Variants in SEC63 observed in about 807,000 individuals in gnomAD.
The protein encoded by SEC63 is translocation protein SEC63 homolog.
A neutral mutation model predicts 116.2 loss-of-function variants in SEC63; 56 were observed. That is an observed-to-expected ratio of 0.48 (90% confidence interval 0.39 to 0.60). The LOEUF (loss-of-function observed/expected upper bound fraction) is 0.60, where lower values mean the gene tolerates loss of function less well. Among genes scored for constraint, SEC63 ranks in the 20% least tolerant of loss-of-function variants. SEC63 has a pLI of 0.00. For synonymous variants in SEC63, 273 were observed against 294.6 expected (o/e 0.93, Z 0.75); for missense variants, 668 against 900.0 (o/e 0.74, Z 3.30).
At chr6:107,918,705 C>CA (rs1195080601) in intron 4 of SEC63, among the ~76,000 whole-genome samples, 1 of 146,782 alleles carries the variant, frequency 6.8e-6, no homozygotes, top group Non-Finnish European at 1.5e-5. Context: ...AAAAAAAAAA[C>CA]AAAAAACAAA....
In SEC63 at chr6:107,913,229, T is replaced by C. The variant is rs185872505; in HGVS notation, c.514+137A>G. On this transcript the variant is annotated intron_variant, in intron 5 of 20. Coordinates refer to ENST00000369002, the MANE Select transcript of SEC63 (RefSeq NM_007214.5). ...GAAAGAAAAATAAAGCAAAAATTAA[T>C]GAGAGCTCAATTTATCTATGTTAAA... 3.0e-3 allele frequency: 2,049 copies of C among 675,314 alleles called. 21 individuals are homozygous for C. The African/African-American group carries it at 0.032, about 11-fold the overall frequency. The allele number at this position is 675,314 out of a possible 1,614,324, so 41.8% of individuals were successfully genotyped here.
At chr6:107,899,942 C>A (rs1388505566) in intron 13 of SEC63, among the ~76,000 whole-genome samples, 1 of 152,174 alleles carries the variant, frequency 6.6e-6, no homozygotes, top group Admixed American at 6.5e-5. Context: ...AACACATATG[C>A]TACACTCCAG....
chr6:107,912,650 G>A (rs931686413), intron 6 of SEC63, 66 bp downstream of exon 6: 5 of 905,388 alleles, frequency 5.5e-6, no homozygotes, highest in African/African-American at 1.7e-5. Context: ...GTATTACCAA[G>A]ACAGATTGTA....
chr6:107,888,988 T>G (rs1175847233), intron 16 of SEC63, among the ~76,000 whole-genome samples: 1 of 152,248 alleles, frequency 6.6e-6, no homozygotes, highest in East Asian at 1.9e-4. Context: ...TGGATTCAGT[T>G]TGCCAGTATT....
intron 4 of SEC63, among the ~76,000 whole-genome samples, chr6:107,913,767 AT>A (rs1383991546): frequency 2.6e-5 from 4 of 152,120 alleles, no homozygotes; most frequent in Non-Finnish European, 4.4e-5. Context: ...ATTGTAGGCG[AT>A]TTTTTTCCCC....
chr6:107,947,761 GA>G (rs1044052191), intron 1 of SEC63, among the ~76,000 whole-genome samples: 71 of 152,136 alleles, frequency 4.7e-4, no homozygotes, highest in African/African-American at 1.6e-3. Context: ...AGCTTTCTTA[GA>G]ATTCTCTTTC....
chr6:107,870,095 C>T lies in SEC63; in HGVS notation c.*1609G>A, dbSNP rs1583715609. ...TAGGTAATCAGTAGCTGCCTCAAGA[C>T]ACTGGTGCTTCACAGCAGAACCTGA... On this transcript the variant is annotated 3_prime_UTR_variant, in exon 21 of 21. Transcript: ENST00000369002. 6.6e-6 allele frequency: 1 copy of T among 152,326 alleles called. No homozygotes were observed. Among genetic ancestry groups the T allele is most frequent in the Non-Finnish European group, 1.5e-5 (1 of 68,008 alleles). The allele number at this position is 152,326 out of a possible 1,614,324, so 9.4% of individuals were successfully genotyped here.
chr6:107,908,879 G>T, intron 8 of SEC63, 48 bp downstream of exon 8: 1 of 1,055,098 alleles, frequency 9.5e-7, no homozygotes, highest in Non-Finnish European at 1.5e-6. Context: ...CCCCACATAA[G>T]TCACAAAACA....
chr6:107,939,784 TA>T (rs1349188425), intron 1 of SEC63, among the ~76,000 whole-genome samples: 1 of 151,858 alleles, frequency 6.6e-6, no homozygotes, highest in African/African-American at 2.4e-5. Context: ...AAAAAATTTT[TA>T]AAAACAATCT....
intron 1 of SEC63, among the ~76,000 whole-genome samples, chr6:107,938,660 T>G (rs1195899790): frequency 6.6e-6 from 1 of 151,448 alleles, no homozygotes; most frequent in Non-Finnish European, 1.5e-5. Flanking sequence ...ACTCCCAGGT[T>G]CAAGCAATGC....
intron 1 of SEC63, chr6:107,954,464 T>TAAAA (rs796251218): frequency 1.6e-5 from 1 of 61,708 alleles, no homozygotes; most frequent in Non-Finnish European, 2.8e-5. Context: ...AATGATCAAT[T>TAAAA]AAAAAAAAAA....
intron 4 of SEC63, among the ~76,000 whole-genome samples, chr6:107,917,841 A>C (rs762453016): frequency 9.2e-5 from 14 of 152,356 alleles, no homozygotes; most frequent in Admixed American, 2.0e-4. Context: ...CTACAACAGA[A>C]GTGCAAGGTG....
intron 17 of SEC63, 99 bp downstream of exon 17, chr6:107,882,889 A>G (rs1263031187): frequency 7.2e-5 from 56 of 778,940 alleles, no homozygotes; most frequent in Non-Finnish European, 1.1e-4. Flanking sequence ...AAAGAAAGCA[A>G]GCGAGCAAGC....
At chr6:107,916,327 G>A (rs949928411) in intron 4 of SEC63, among the ~76,000 whole-genome samples, 1 of 152,150 alleles carries the variant, frequency 6.6e-6, no homozygotes, top group Non-Finnish European at 1.5e-5. Context: ...AGAAAATGTA[G>A]TACACACTTC....
intron 1 of SEC63, among the ~76,000 whole-genome samples, chr6:107,942,874 C>A (rs984584982): frequency 1.1e-4 from 16 of 152,280 alleles, no homozygotes; most frequent in Middle Eastern, 3.4e-3. Context: ...AAGTTTATGT[C>A]ACCTGTTTAC....
intron 18 of SEC63, among the ~76,000 whole-genome samples, chr6:107,878,219 G>T (rs1158801583): frequency 6.6e-6 from 1 of 152,184 alleles, no homozygotes; most frequent in East Asian, 1.9e-4. Flanking sequence ...CAGAAACCTG[G>T]GTTATTTCAC....
chr6:107,922,908 T>C (rs1787591097), intron 3 of SEC63, among the ~76,000 whole-genome samples: 2 of 151,298 alleles, frequency 1.3e-5, no homozygotes, highest in African/African-American at 2.4e-5. Context: ...GGGGAGAAAA[T>C]AGAAAGAGCA....
intron 7 of SEC63, among the ~76,000 whole-genome samples, chr6:107,910,733 A>G (rs1787264119): frequency 6.6e-6 from 1 of 152,118 alleles, no homozygotes; most frequent in Admixed American, 6.5e-5. Flanking sequence ...ACATATGTAT[A>G]TATGTATCTG....
At chr6:107,930,228 G>T (rs1214372130) in intron 1 of SEC63, 1 of 119,070 alleles carries the variant, frequency 8.4e-6, no homozygotes, top group African/African-American at 3.1e-5. Context: ...TGTTGCCAAG[G>T]CTGGTCTCAA....
Sources: allele counts gnomAD v4.1 joint callset (sites outside exome capture counted in the v4.1 genomes callset), GRCh38; gene constraint gnomAD v4.1.1; transcripts MANE v1.5; gene names NCBI Gene and HGNC (gene_info 2026-07-23, HGNC 2026-07-21).